COL25A1: variants seen among roughly 807,000 people sequenced by gnomAD.
COL25A1 encodes collagen type XXV alpha 1 chain, also known as collagen alpha-1(XXV) chain.
COL25A1 carries 103 observed loss-of-function variants against 128.4 expected under a neutral mutation model. That is an observed-to-expected ratio of 0.80 (90% confidence interval 0.68 to 0.94). The LOEUF (loss-of-function observed/expected upper bound fraction) is 0.94, where lower values mean the gene tolerates loss of function less well. COL25A1 is among the 40% of genes least tolerant of loss of function. The pLI is 0.00. For missense variants in COL25A1, 745 were observed against 840.0 expected, an observed-to-expected ratio of 0.89 and a Z score of 1.40; for synonymous variants, 279 against 277.2, an observed-to-expected ratio of 1.01 and a Z score of -0.06.
At chr4:108,835,859 G>A (rs1384977450) in intron 31 of COL25A1, among the ~76,000 whole-genome samples, 4 of 89,520 alleles carry the variant, frequency 4.5e-5, no homozygotes, top group East Asian at 3.7e-4. Flanking sequence ...GCTTACATAC[G>A]TCTTTTTTTT....
chr4:109,298,800 C>A lies in COL25A1; in HGVS notation c.367+1783G>T, dbSNP rs555638137. Among the ~76,000 whole-genome samples the A allele has an allele frequency of 2.0e-5, 3 of 152,278 alleles. No homozygotes were observed. In the South Asian group the frequency reaches 6.2e-4, roughly 32 times the overall value. On this transcript the variant is annotated intron_variant, in intron 3 of 37. Transcript: ENST00000399132. ...CACCTTCAAATGTTTACCTTGGAAGCTGCCAGGTAAAAACTGATGTAATGT... is the reference window on the plus strand; with the variant it reads ...CACCTTCAAATGTTTACCTTGGAAGATGCCAGGTAAAAACTGATGTAATGT...
At chr4:108,918,067 T>G in intron 13 of COL25A1, 105 bp downstream of exon 13, 1 of 545,466 alleles carries the variant, frequency 1.8e-6, no homozygotes, top group Non-Finnish European at 3.0e-6. Context: ...AACATAGTGT[T>G]TTTATAAGCA....
intron 3 of COL25A1, among the ~76,000 whole-genome samples, chr4:109,145,861 A>C (rs780922935): frequency 1.7e-4 from 26 of 152,162 alleles, no homozygotes; most frequent in Non-Finnish European, 3.4e-4. Context: ...AAATAAATAA[A>C]AAAAAGAGAG....
At chr4:109,290,307 T>C (rs1273173848) in intron 3 of COL25A1, among the ~76,000 whole-genome samples, 2 of 152,090 alleles carry the variant, frequency 1.3e-5, no homozygotes, top group African/African-American at 4.8e-5. Flanking sequence ...ACCACCAATA[T>C]ATAGCATTCC....
intron 19 of COL25A1, among the ~76,000 whole-genome samples, chr4:108,881,560 T>A (rs560581065): frequency 6.6e-6 from 1 of 152,278 alleles, no homozygotes; most frequent in Non-Finnish European, 1.5e-5. Context: ...ATATGGTGGT[T>A]TCATCTTTTA....
At chr4:108,829,233 G>A (rs931144458) in intron 32 of COL25A1, among the ~76,000 whole-genome samples, 15 of 152,126 alleles carry the variant, frequency 9.9e-5, no homozygotes, top group Admixed American at 3.9e-4. Context: ...AGCAAAGGAC[G>A]GGCGCAGTGG....
intron 3 of COL25A1, among the ~76,000 whole-genome samples, chr4:109,170,848 C>A (rs1364756126): frequency 6.6e-6 from 1 of 152,112 alleles, no homozygotes; most frequent in African/African-American, 2.4e-5. Context: ...ATAGCTCCTG[C>A]AGACCTAAGG....
intron 18 of COL25A1, 23 bp from the exon 19 acceptor site, chr4:108,884,245 AT>A: frequency 1.9e-6 from 3 of 1,606,316 alleles, no homozygotes; most frequent in Non-Finnish European, 2.6e-6. Context: ...ATCATATAGC[AT>A]TATAGAATGA....
chr4:109,036,011 T>C (rs1005369687), intron 5 of COL25A1, among the ~76,000 whole-genome samples: 2 of 152,100 alleles, frequency 1.3e-5, no homozygotes, highest in African/African-American at 4.8e-5. Context: ...CACTGCAAGC[T>C]ACGCCTCCCA....
At chr4:108,824,248 C>G (rs1732112549) in intron 34 of COL25A1, 21 bp from the exon 35 acceptor site, 1 of 1,555,336 alleles carries the variant, frequency 6.4e-7, no homozygotes, top group African/African-American at 1.4e-5. Context: ...AAAAGCAAAC[C>G]AAAAAGATCT....
intron 3 of COL25A1, among the ~76,000 whole-genome samples, chr4:109,276,737 A>G (rs1722889447): frequency 1.3e-5 from 2 of 152,168 alleles, no homozygotes; most frequent in African/African-American, 4.8e-5. Context: ...AATTCTCTCA[A>G]TGATGGCGAG....
At chr4:109,232,584 C>T (rs956753440) in intron 3 of COL25A1, among the ~76,000 whole-genome samples, 2 of 152,166 alleles carry the variant, frequency 1.3e-5, no homozygotes, top group African/African-American at 2.4e-5. Flanking sequence ...CTAATGTAAG[C>T]TGCATTCTCC....
intron 32 of COL25A1, among the ~76,000 whole-genome samples, chr4:108,827,878 C>T (rs2087335821): frequency 6.6e-6 from 1 of 152,088 alleles, no homozygotes; most frequent in Admixed American, 6.6e-5. Context: ...TTCTCGATTG[C>T]CCACTTCCTA....
At chr4:109,009,517 T>C (rs1268326193) in intron 6 of COL25A1, among the ~76,000 whole-genome samples, 4 of 152,162 alleles carry the variant, frequency 2.6e-5, no homozygotes, top group East Asian at 1.9e-4. Flanking sequence ...ATTCATGATA[T>C]TGACTACAAA....
At chr4:108,991,655 CTGCACACACA>C (rs33970149) in intron 6 of COL25A1, among the ~76,000 whole-genome samples, 120,528 of 151,588 alleles carry the variant, frequency 0.8, 49,084 homozygotes, top group East Asian at 1. Flanking sequence ...AAAATACTTT[CTGCACACACA>C]TGCACACATA....
At chr4:108,971,851 T>A (rs1578937026) in intron 8 of COL25A1, among the ~76,000 whole-genome samples, 1 of 152,290 alleles carries the variant, frequency 6.6e-6, no homozygotes, top group Non-Finnish European at 1.5e-5. Context: ...TTGAATTTGG[T>A]GGTTAGTAGA....
intron 3 of COL25A1, among the ~76,000 whole-genome samples, chr4:109,188,599 C>A (rs966819473): frequency 7.9e-5 from 12 of 152,084 alleles, no homozygotes; most frequent in Admixed American, 3.9e-4. Context: ...AGAATGGAAT[C>A]GTACCAAAGG....
intron 3 of COL25A1, among the ~76,000 whole-genome samples, chr4:109,269,829 T>C (rs1275360926): frequency 6.6e-6 from 1 of 152,184 alleles, no homozygotes; most frequent in African/African-American, 2.4e-5. Context: ...AATAAAATAC[T>C]GGCAAACCGA....
intron 3 of COL25A1, among the ~76,000 whole-genome samples, chr4:109,091,756 A>T (rs1427133644): frequency 2.0e-5 from 3 of 151,932 alleles, no homozygotes; most frequent in Non-Finnish European, 2.9e-5. Context: ...AGCCCTGTAC[A>T]ATACTGTAAT....
Sources: allele counts gnomAD v4.1 joint callset (sites outside exome capture counted in the v4.1 genomes callset), GRCh38; gene constraint gnomAD v4.1.1; transcripts MANE v1.5; gene names NCBI Gene and HGNC (gene_info 2026-07-23, HGNC 2026-07-21).